The following METTL16 variants were observed in gnomAD, a reference collection of about 807,000 sequenced individuals.
The protein encoded by METTL16 is methyltransferase 16, RNA N6-adenosine, also known as RNA N(6)-adenosine-methyltransferase METTL16.
A neutral mutation model predicts 57.9 loss-of-function variants in METTL16; 19 were observed. The ratio of observed to expected loss-of-function variants is 0.33; its 90% CI spans 0.23 to 0.48. The LOEUF (loss-of-function observed/expected upper bound fraction) is 0.48, where lower values mean the gene tolerates loss of function less well. METTL16 is among the 20% of genes least tolerant of loss of function. METTL16 has a pLI of 0.99. For synonymous variants in METTL16, 246 were observed against 255.6 expected (o/e 0.96, Z 0.36); for missense variants, 434 against 691.5 (o/e 0.63, Z 4.18).
chr17:2,493,516 C>T (rs958043670), intron 2 of METTL16, among the ~76,000 whole-genome samples: 10 of 151,892 alleles, frequency 6.6e-5, no homozygotes, highest in Non-Finnish European at 1.0e-4. Flanking sequence ...GTCAGGAGTT[C>T]GAGACCAGCC....
At chr17:2,510,728 T>TCATA (rs1283430479) in intron 1 of METTL16, among the ~76,000 whole-genome samples, 2 of 151,994 alleles carry the variant, frequency 1.3e-5, no homozygotes, top group African/African-American at 4.8e-5. Context: ...AATGATGGAA[T>TCATA]CATAGCTCCC....
chr17:2,456,853 ATC>A (rs1174372339), intron 6 of METTL16, among the ~76,000 whole-genome samples: 2 of 151,660 alleles, frequency 1.3e-5, no homozygotes, highest in African/African-American at 4.8e-5. Context: ...CACTGTCTCA[ATC>A]TCAGCTCACT....
rs145932601 is a variant in METTL16, at chr17:2,477,472, G to A, written c.328+214C>T. The stretch of plus-strand genomic sequence containing the variant: ...CATCCCTAACCCCCAAATCTGGAAC[G>A]CTCCAACGCACATTGCCTTTGAGCA... On this transcript the variant is annotated intron_variant, in intron 3 of 9. Coordinates refer to ENST00000263092, the MANE Select transcript of METTL16 (RefSeq NM_024086.4). 1.7e-3 allele frequency: 902 copies of A among 533,660 alleles called. 4 individuals carry two copies. Among genetic ancestry groups the A allele is most frequent in the Middle Eastern group, 5.5e-3 (11 of 2,000 alleles). The allele number at this position is 533,660 out of a possible 1,614,324, so 33.1% of individuals were successfully genotyped here. A position where few individuals can be genotyped will look rare whatever the true frequency, so the allele number is the denominator to read the frequency against.
At chr17:2,505,030 C>G (rs1357921242) in intron 1 of METTL16, among the ~76,000 whole-genome samples, 2 of 152,224 alleles carry the variant, frequency 1.3e-5, no homozygotes, top group East Asian at 1.9e-4. Flanking sequence ...ATAATTTTGT[C>G]TTCTTCCAGA....
chr17:2,420,601 T>G lies in METTL16; in HGVS notation c.1063-5A>C, dbSNP rs1325075562. 2 of 1,587,372 alleles carry G rather than the reference T, an allele frequency of 1.3e-6. No individual in the cohort carries two copies. Among genetic ancestry groups the G allele is most frequent in the Admixed American group, 3.7e-5 (2 of 53,654 alleles). ...GGGAACTCGTTTATGCTGGACCTGTTTGGAGGAAAAACAGAATTTTGTGGG... is the reference window on the plus strand; with the variant it reads ...GGGAACTCGTTTATGCTGGACCTGTGTGGAGGAAAAACAGAATTTTGTGGG... On this transcript the variant is annotated splice_polypyrimidine_tract_variant and splice_region_variant and intron_variant, in intron 9 of 9. Transcript: ENST00000263092. This position sits in a 1 kb window ranked among gnomAD's most constrained non-coding sequence, Gnocchi z 5.4.
chr17:2,478,360 T>C (rs1016621529), intron 2 of METTL16, among the ~76,000 whole-genome samples: 5 of 152,220 alleles, frequency 3.3e-5, no homozygotes, highest in South Asian at 2.1e-4. Context: ...ACATTAGCAT[T>C]CCTTGAAAAT....
chr17:2,506,437 C>T (rs1425361667), intron 1 of METTL16, among the ~76,000 whole-genome samples: 11 of 151,986 alleles, frequency 7.2e-5, no homozygotes, highest in East Asian at 1.9e-4. Flanking sequence ...AGGCGCACGC[C>T]GCCACGCCTG....
intron 6 of METTL16, among the ~76,000 whole-genome samples, chr17:2,441,760 A>AAAAT (rs1190799147): frequency 1.3e-5 from 2 of 152,178 alleles, no homozygotes; most frequent in Non-Finnish European, 2.9e-5. Context: ...GGCAACTTAA[A>AAAAT]AAATAAATAA....
rs182143910 is a variant in METTL16 at position 2,492,135 on chromosome 17, T to C, written c.128+10069A>G. ...CTGAGGTAGGAGAATGGCGTGAACCTGGGAGGCGGAGCTTGCAGTGAGCCG... is the reference window on the plus strand; with the variant it reads ...CTGAGGTAGGAGAATGGCGTGAACCCGGGAGGCGGAGCTTGCAGTGAGCCG... On this transcript the variant is annotated intron_variant, in intron 2 of 9. Coordinates refer to ENST00000263092, the MANE Select transcript of METTL16 (RefSeq NM_024086.4). Among the ~76,000 whole-genome samples, 831 of 151,404 alleles carry C rather than the reference T, an allele frequency of 5.5e-3. 7 individuals carry two copies. The highest frequency in any genetic ancestry group is 0.015 in the South Asian group (74 of 4,808).
intron 7 of METTL16, among the ~76,000 whole-genome samples, 195 bp downstream of exon 7, chr17:2,441,295 G>T (rs2066949734): frequency 6.6e-6 from 1 of 152,156 alleles, no homozygotes; most frequent in Non-Finnish European, 1.5e-5. Flanking sequence ...CTTGTGGTTG[G>T]GGAGTGGGAG....
At chr17:2,479,330 CTTTTT>C (rs34609847) in intron 2 of METTL16, among the ~76,000 whole-genome samples, 2 of 105,576 alleles carry the variant, frequency 1.9e-5, no homozygotes, top group African/African-American at 3.8e-5. Context: ...CCACACTAAG[CTTTTT>C]TTTTTTTTTT....
chr17:2,506,632 G>A (rs1490318455), intron 1 of METTL16, among the ~76,000 whole-genome samples: 3 of 152,012 alleles, frequency 2.0e-5, no homozygotes, highest in South Asian at 2.1e-4. Context: ...ATCGCGGCTC[G>A]CTACAACCTC....
chr17:2,475,244 T>G (rs2028600), intron 3 of METTL16: 55,253 of 152,018 alleles, frequency 0.36, 13,411 homozygotes, highest in African/African-American at 0.69. Flanking sequence ...TGCCTACCAT[T>G]TTTGCCCGAG....
intron 2 of METTL16, among the ~76,000 whole-genome samples, chr17:2,494,980 G>A (rs2067431878): frequency 6.6e-6 from 1 of 151,716 alleles, no homozygotes; most frequent in African/African-American, 2.4e-5. Context: ...CATAGATAGT[G>A]ATTCCTCAGA....
chr17:2,497,298 AC>A (rs1364581557), intron 2 of METTL16, among the ~76,000 whole-genome samples: 5 of 98,240 alleles, frequency 5.1e-5, no homozygotes, highest in Admixed American at 3.5e-4. Context: ...GCGCCACTGC[AC>A]CCGGCCTTTT....
rs550036937 is a variant in METTL16 at position 2,475,481 on chromosome 17, C to T, written c.329-1817G>A. Among the ~76,000 whole-genome samples the T allele has an allele frequency of 3.9e-5, 6 of 152,228 alleles. No homozygotes were observed. In the East Asian group the frequency reaches 5.8e-4, roughly 15 times the overall value. On this transcript the variant is annotated intron_variant, in intron 3 of 9. Transcript: ENST00000263092. ...CAGATCCTTGACTTTTATACAACTG[C>T]CTCTCTCTTCAAACTTCAATTTCAT...
At chr17:2,477,649 A>G (rs1376584303) in intron 3 of METTL16, 37 bp downstream of exon 3, 1 of 1,502,230 alleles carries the variant, frequency 6.7e-7, no homozygotes, top group Non-Finnish European at 9.3e-7. Flanking sequence ...AAACTTATGA[A>G]AACTGTTTAG....
chr17:2,450,701 A>T (rs192271829), intron 6 of METTL16, among the ~76,000 whole-genome samples: 1 of 152,190 alleles, frequency 6.6e-6, no homozygotes, highest in Non-Finnish European at 1.5e-5. Flanking sequence ...CTAACAATAC[A>T]TATTCTGTCT....
chr17:2,435,351 T>C (rs1180105821), intron 8 of METTL16, among the ~76,000 whole-genome samples: 2 of 152,074 alleles, frequency 1.3e-5, no homozygotes, highest in Non-Finnish European at 2.9e-5. Context: ...GCTCTATTCC[T>C]TGTCTAAAGC....
Sources: allele counts gnomAD v4.1 joint callset (sites outside exome capture counted in the v4.1 genomes callset), GRCh38; gene constraint gnomAD v4.1.1; non-coding constraint Gnocchi (gnomAD v3.1); transcripts MANE v1.5; gene names NCBI Gene and HGNC (gene_info 2026-07-23, HGNC 2026-07-21).